The following DOCK4 variants were observed in gnomAD, a reference collection of about 807,000 sequenced individuals.
DOCK4 encodes dedicator of cytokinesis protein 4.
In DOCK4, 97 loss-of-function variants were observed where a neutral mutation model predicts 268.1. The observed-to-expected ratio is 0.36, with a 90% CI of 0.31 to 0.43. The LOEUF is 0.43. Ranked by LOEUF, DOCK4 falls within the 20% of genes least tolerant of loss-of-function variation. DOCK4 has a pLI of 1.00. For synonymous variants in DOCK4, 954 were observed against 887.2 expected, an observed-to-expected ratio of 1.08 and a Z score of -1.34; for missense variants, 2,145 against 2,455.7, an observed-to-expected ratio of 0.87 and a Z score of 2.67.
chr7:112,196,272 T>C (rs1303311905), intron 1 of DOCK4, among the ~76,000 whole-genome samples: 1 of 152,166 alleles, frequency 6.6e-6, no homozygotes, highest in Admixed American at 6.5e-5. Context: ...AGTTATTATA[T>C]ACCATGTACC....
chr7:111,893,439 TATC>T (rs1232531349), intron 16 of DOCK4, among the ~76,000 whole-genome samples: 1 of 152,228 alleles, frequency 6.6e-6, no homozygotes, highest in African/African-American at 2.4e-5. Flanking sequence ...TTCTTTTACA[TATC>T]ATGAGGAAAC....
At chr7:112,108,783 C>A (rs1811361414) in intron 1 of DOCK4, among the ~76,000 whole-genome samples, 2 of 152,280 alleles carry the variant, frequency 1.3e-5, no homozygotes, top group South Asian at 4.1e-4. Flanking sequence ...CATTTCAGTG[C>A]CAATGGAAAC....
chr7:111,729,649 C>T (rs549175793), intron 52 of DOCK4, among the ~76,000 whole-genome samples: 13 of 152,270 alleles, frequency 8.5e-5, no homozygotes, highest in East Asian at 3.9e-4. Context: ...AACCTAAAAA[C>T]GCCATAAAAC....
At chr7:111,741,040 A>C in intron 47 of DOCK4, 54 bp downstream of exon 47, 1 of 1,603,136 alleles carries the variant, frequency 6.2e-7, no homozygotes, top group South Asian at 1.1e-5. Flanking sequence ...AGAAACACTC[A>C]TGATTGAGAC....
At chr7:111,958,577 A>G (rs1023573071) in intron 8 of DOCK4, among the ~76,000 whole-genome samples, 4 of 152,190 alleles carry the variant, frequency 2.6e-5, no homozygotes, top group Admixed American at 1.3e-4. Context: ...AAAATCCTGC[A>G]CTATTTAAGT....
chr7:112,023,582 C>G (rs1257577228), intron 1 of DOCK4: 1 of 437,582 alleles, frequency 2.3e-6, no homozygotes, highest in Non-Finnish European at 4.5e-6. Context: ...AGGTTATTAG[C>G]CTTTCTACTA....
In DOCK4 at chr7:112,059,134, C is replaced by CTTTTTTTTTTTTTTTTTT. The variant is rs572050793; in HGVS notation, c.38-55021_38-55004dup. ...TCATAAAATTATACTGCAGCATTTC[C>CTTTTTTTTTTTTTTTTTT]TTTTTTTTTTTTTTTTTTTTTTTTT... On this transcript the variant is annotated intron_variant, in intron 1 of 52. Coordinates refer to ENST00000428084, the MANE Select transcript of DOCK4 (RefSeq NM_001363540.2). Among the ~76,000 whole-genome samples the CTTTTTTTTTTTTTTTTTT allele has an allele frequency of 4.0e-5, 4 of 98,978 alleles. 1 individual carries two copies. Among genetic ancestry groups the CTTTTTTTTTTTTTTTTTT allele is most frequent in the African/African-American group, 2.0e-4 (4 of 19,982 alleles). The allele number at this position is 98,978 out of a possible 152,430, so 64.9% of individuals were successfully genotyped here.
At chr7:111,988,620 G>T (rs1304079179) in intron 6 of DOCK4, among the ~76,000 whole-genome samples, 1 of 152,102 alleles carries the variant, frequency 6.6e-6, no homozygotes, top group Admixed American at 6.5e-5. Flanking sequence ...TCTCCCTCCG[G>T]ATTACACTGG....
intron 26 of DOCK4, among the ~76,000 whole-genome samples, chr7:111,824,428 G>T (rs534719046): frequency 6.6e-6 from 1 of 152,066 alleles, no homozygotes; most frequent in African/African-American, 2.4e-5. Flanking sequence ...TGAGAGTGGG[G>T]ATTCTTTGGC....
At chr7:112,022,463 G>A (rs748394127) in intron 1 of DOCK4, among the ~76,000 whole-genome samples, 4 of 151,224 alleles carry the variant, frequency 2.6e-5, no homozygotes, top group African/African-American at 4.9e-5. Flanking sequence ...AGGGAAGCAG[G>A]CACAGAGTAG....
At chr7:111,805,041 C>T (rs1356067120) in intron 30 of DOCK4, among the ~76,000 whole-genome samples, 1 of 152,210 alleles carries the variant, frequency 6.6e-6, no homozygotes, top group Non-Finnish European at 1.5e-5. Context: ...GGCAAGAGCT[C>T]AAAGCCTTTC....
rs532216349 is a variant in DOCK4, at chr7:111,788,858, A to C, written c.3316-111T>G. 7.8e-5 allele frequency: 74 copies of C among 952,030 alleles called. No individual in the cohort carries two copies. In the African/African-American group the frequency reaches 1.0e-3, roughly 13 times the overall value. The allele number at this position is 952,030 out of a possible 1,614,324, so 59.0% of individuals were successfully genotyped here. A position where few individuals can be genotyped will look rare whatever the true frequency, so the allele number is the denominator to read the frequency against. On this transcript the variant is annotated intron_variant, in intron 31 of 52. Coordinates refer to ENST00000428084, the MANE Select transcript of DOCK4 (RefSeq NM_001363540.2). ...GGAAAAAGCCATGGTAAATTTTGTG[A>C]AAGTGACATTATCAGCTACGGTTAA...
intron 26 of DOCK4, among the ~76,000 whole-genome samples, chr7:111,833,732 A>C (rs1803026467): frequency 6.6e-6 from 1 of 152,188 alleles, no homozygotes; most frequent in Non-Finnish European, 1.5e-5. Flanking sequence ...TTAAAGTCAA[A>C]GATAAGTGAC....
intron 41 of DOCK4, among the ~76,000 whole-genome samples, chr7:111,757,457 T>C (rs1340572962): frequency 3.9e-5 from 6 of 152,144 alleles, no homozygotes; most frequent in Admixed American, 1.3e-4. Flanking sequence ...AAGAACTATA[T>C]CATCAACTAG....
chr7:111,728,400 C>A lies in DOCK4; in HGVS notation c.5802G>T (p.Thr1934=). 6.4e-7 allele frequency: 1 copy of A among 1,563,524 alleles called. No individual in the cohort carries two copies. The highest frequency in any genetic ancestry group is 2.2e-5 in the East Asian group (1 of 44,452). The change falls in exon 53 of 53, where the codon ACG becomes ACT. Residue 1934 remains threonine, a synonymous_variant. Transcript: ENST00000428084. The part of the protein sequence containing the change: ...PLPHSLSIPV[T]SEPPALPPKP... ...TGGGGGGCAGCGCGGGCGGCTCCGA[C>A]GTGACGGGGATGGAGAGGCTGTGAG... is the stretch of plus-strand genomic sequence containing the variant.
rs778158321 is a variant in DOCK4, at chr7:111,732,231, A to G, written c.5476T>C (p.Leu1826=). ...GTCGAAAGAAGGGCCTTTACCTTCA[A>G]TGGAGATCGCCCGGCAGGCGAGGGG... The part of the protein sequence containing the change: ...VSPSPAGRSP[L]KGSVQSFTPS... Residue 1826 remains leucine, a synonymous_variant, in exon 52 of 53, where the codon TTG becomes CTG. Coordinates refer to ENST00000428084, the MANE Select transcript of DOCK4 (RefSeq NM_001363540.2). The G allele has an allele frequency of 2.5e-6, 4 of 1,614,030 alleles. No individual in the cohort carries two copies. The highest frequency in any genetic ancestry group is 2.2e-5 in the East Asian group (1 of 44,888).
chr7:111,743,843 A>G (rs2133455324), intron 44 of DOCK4, among the ~76,000 whole-genome samples: 1 of 152,314 alleles, frequency 6.6e-6, no homozygotes, highest in Non-Finnish European at 1.5e-5. Context: ...TTTTAGAGAC[A>G]GAGTCTCACT....
At chr7:111,912,637 G>A (rs1792207990) in intron 13 of DOCK4, among the ~76,000 whole-genome samples, 1 of 152,002 alleles carries the variant, frequency 6.6e-6, no homozygotes, top group African/African-American at 2.4e-5. Context: ...AGATGGAGGA[G>A]GGAGGAAAGA....
chr7:111,808,090 T>C (rs1345207962), intron 30 of DOCK4: 2 of 152,218 alleles, frequency 1.3e-5, no homozygotes, highest in African/African-American at 2.4e-5. Context: ...AGGTCAATCA[T>C]TTTAATAAAT....
Sources: allele counts gnomAD v4.1 joint callset (sites outside exome capture counted in the v4.1 genomes callset), GRCh38; gene constraint gnomAD v4.1.1; transcripts MANE v1.5; gene names NCBI Gene and HGNC (gene_info 2026-07-23, HGNC 2026-07-21).